The following BTN2A1 variants were observed in gnomAD, a reference collection of about 807,000 sequenced individuals.
BTN2A1 encodes butyrophilin, subfamily 2, member A1.
Under a neutral mutation model 34.5 loss-of-function variants are expected in BTN2A1, and 41 were observed. That is an observed-to-expected ratio of 1.19 (90% CI 0.93 to 1.54). BTN2A1 has a LOEUF of 1.54. Ranked by LOEUF, BTN2A1 falls within the 40% of genes most tolerant of loss-of-function variation. BTN2A1 has a pLI of 0.00. For synonymous variants in BTN2A1, 267 were observed against 258.6 expected (o/e 1.03, Z -0.31); for missense variants, 642 against 662.0 (o/e 0.97, Z 0.33).
chr6:26,459,052 C>T (rs1163730190), intron 2 of BTN2A1, among the ~76,000 whole-genome samples: 2 of 152,052 alleles, frequency 1.3e-5, no homozygotes, highest in East Asian at 3.9e-4. Context: ...ACCATATTAC[C>T]AATGAGATAG....
At position 26,463,416 on chromosome 6, in the gene BTN2A1, C is replaced by G. The variant is rs775554453; in HGVS notation, c.603C>G (p.Phe201Leu). ...CCATGCCTGATGCAGACGGCCTCTTCATGGTCACCACGGCTGTGATCATCA... is the reference window on the plus strand; with the variant it reads ...CCATGCCTGATGCAGACGGCCTCTTGATGGTCACCACGGCTGTGATCATCA... ...EVSMPDADGL[F>L]MVTTAVIIRD... is the part of the protein sequence containing the mutation. The change falls in exon 4 of 8, where the codon TTC becomes TTG. Residue 201 changes from phenylalanine to leucine, a missense_variant. Coordinates refer to ENST00000312541, the MANE Select transcript of BTN2A1 (RefSeq NM_007049.5). 8 of 1,614,068 alleles carry G rather than the reference C, an allele frequency of 5.0e-6. No individual in the cohort carries two copies. Among genetic ancestry groups the G allele is most frequent in the Non-Finnish European group, 6.8e-6 (8 of 1,180,032 alleles).
At chr6:26,473,045 A>G (rs984053861), downstream of BTN2A1, among the ~76,000 whole-genome samples, 4 of 152,238 alleles carry the variant, frequency 2.6e-5, no homozygotes, top group African/African-American at 9.6e-5. Flanking sequence ...GGGACCAATC[A>G]GAGGAAAGTG....
In BTN2A1 at chr6:26,466,032, A is replaced by T. The variant is rs757458442; in HGVS notation, c.956-30A>T. 4 of 1,612,956 alleles carry T rather than the reference A, an allele frequency of 2.5e-6. No homozygotes were observed. In the South Asian group the frequency reaches 4.4e-5, roughly 18 times the overall value. ...TTTGAGTTCTGCTCAGCAACATCTCATGACATTCGTCTCTGTCTGTCCCTT... is the reference window on the plus strand; with the variant it reads ...TTTGAGTTCTGCTCAGCAACATCTCTTGACATTCGTCTCTGTCTGTCCCTT... On this transcript the variant is annotated intron_variant, in intron 6 of 7. Coordinates refer to ENST00000312541, the MANE Select transcript of BTN2A1 (RefSeq NM_007049.5).
At chr6:26,458,783 A>C in intron 2 of BTN2A1, 65 bp downstream of exon 2, 1 of 1,571,100 alleles carries the variant, frequency 6.4e-7, no homozygotes, top group Non-Finnish European at 8.8e-7. Context: ...GTAGTCTGCA[A>C]AGGGAAAGAA....
chr6:26,460,728 T>C (rs996555682), intron 3 of BTN2A1, among the ~76,000 whole-genome samples: 44 of 152,060 alleles, frequency 2.9e-4, no homozygotes, highest in African/African-American at 9.2e-4. Context: ...GCCAGCATGG[T>C]GCAACCCCAT....
intron 4 of BTN2A1, 141 bp downstream of exon 4, chr6:26,463,666 G>A (rs1763234593): frequency 6.0e-6 from 6 of 1,003,336 alleles, no homozygotes; most frequent in Non-Finnish European, 8.8e-6. Context: ...GCTGAGTGAA[G>A]CCTTTCCGCT....
intron 5 of BTN2A1, 82 bp from the exon 6 acceptor site, chr6:26,465,871 A>G: frequency 1.2e-6 from 2 of 1,602,524 alleles, no homozygotes; most frequent in Non-Finnish European, 1.7e-6. Context: ...CATAGAAAGG[A>G]CGGTTCCTGC....
chr6:26,463,748 T>TTTGTTG (rs144703894), intron 4 of BTN2A1, among the ~76,000 whole-genome samples: 68 of 150,936 alleles, frequency 4.5e-4, no homozygotes, highest in Admixed American at 1.1e-3. Context: ...TAAACCTGTT[T>TTTGTTG]TTGTTGTTGT....
At chr6:26,464,469 T>G (rs1178633870) in intron 4 of BTN2A1, among the ~76,000 whole-genome samples, 2 of 152,148 alleles carry the variant, frequency 1.3e-5, no homozygotes, top group Non-Finnish European at 2.9e-5. Context: ...ATTGCAATTC[T>G]TAACAGAATG....
chr6:26,474,434 A>G (rs1056244841), downstream of BTN2A1, among the ~76,000 whole-genome samples: 4 of 152,232 alleles, frequency 2.6e-5, no homozygotes, highest in African/African-American at 9.6e-5. Flanking sequence ...AAACCCTGCT[A>G]AATTTAATTT....
Position 26,466,202 on chromosome 6 carries a change from C to A in BTN2A1, c.982+114C>A, listed in dbSNP as rs780237406. 4 of 1,514,684 alleles carry A rather than the reference C, an allele frequency of 2.6e-6. No individual in the cohort carries two copies. In the African/African-American group the frequency reaches 4.1e-5, roughly 16 times the overall value. 93.8% of individuals were successfully genotyped at this position (1,514,684 alleles called of 1,614,324 possible). A position where few individuals can be genotyped will look rare whatever the true frequency, so the allele number is the denominator to read the frequency against. On this transcript the variant is annotated intron_variant, in intron 7 of 7. Transcript: ENST00000312541. ...AGGGCAAGGTGGGGACAGCAGGGAA[C>A]GGGGGTCAGTTCATCAACAGTGTCC...
chr6:26,459,384 GA>G (rs1763096867), intron 2 of BTN2A1, 96 bp from the exon 3 acceptor site: 2 of 1,387,234 alleles, frequency 1.4e-6, no homozygotes, highest in African/African-American at 2.9e-5. Flanking sequence ...TATGGCCATG[GA>G]AAAAATAAGT....
downstream of BTN2A1, among the ~76,000 whole-genome samples, chr6:26,471,594 A>C (rs2113870394): frequency 6.6e-6 from 1 of 152,262 alleles, no homozygotes; most frequent in Middle Eastern, 3.4e-3. Flanking sequence ...GTTGCAGTGC[A>C]CCACTGCACT....
chr6:26,463,670 T>C, intron 4 of BTN2A1, 145 bp downstream of exon 4: 1 of 974,664 alleles, frequency 1.0e-6, no homozygotes, highest in Non-Finnish European at 1.5e-6. Context: ...AGTGAAGCCT[T>C]TCCGCTTCTC....
At position 26,459,521 on chromosome 6, in the gene BTN2A1, C is replaced by T; in HGVS notation, c.123C>T (p.Ala41=). The change falls in exon 3 of 8, where the codon GCC becomes GCT. Residue 41 remains alanine, a synonymous_variant. Transcript: ENST00000312541. Reference sequence around the variant, plus strand: ...TGGGGCCCACTGATCCCATCTTGGCCACGGTTGGAGAAAACACTACGTTAC... The same window carrying T: ...TGGGGCCCACTGATCCCATCTTGGCTACGGTTGGAGAAAACACTACGTTAC... ...IVVGPTDPIL[A]TVGENTTLRC... 1 of 1,613,904 alleles carries T rather than the reference C, an allele frequency of 6.2e-7. No individual in the cohort carries two copies. The highest frequency in any genetic ancestry group is 8.5e-7 in the Non-Finnish European group (1 of 1,179,882).
At chr6:26,471,525 C>T (rs1407818733), downstream of BTN2A1, among the ~76,000 whole-genome samples, 3 of 152,172 alleles carry the variant, frequency 2.0e-5, no homozygotes, top group Admixed American at 6.5e-5. Flanking sequence ...GTGAGGAGTT[C>T]GTGAACAGCC....
At position 26,465,359 on chromosome 6, in the gene BTN2A1, A is replaced by G. The variant is rs753769800; in HGVS notation, c.887A>G (p.Glu296Gly). The G allele has an allele frequency of 3.7e-6, 6 of 1,614,010 alleles. No individual in the cohort carries two copies. Among genetic ancestry groups the G allele is most frequent in the Non-Finnish European group, 4.2e-6 (5 of 1,180,020 alleles). Residue 296 changes from glutamate to glycine, a missense_variant, in exon 5 of 8, where the codon GAA becomes GGA. Glu to Gly is a moderately conservative substitution (Grantham distance 98). Transcript: ENST00000312541. ...ERETREIALK[E>G]LEKERVQKEE... ...GAAACAAGAGAAATTGCTCTAAAGG[A>G]ACTGGAGAAAGAACGTGTGCAAAAA... is the stretch of plus-strand genomic sequence containing the variant.
At chr6:26,464,630 C>T (rs1763259209) in intron 4 of BTN2A1, among the ~76,000 whole-genome samples, 1 of 152,016 alleles carries the variant, frequency 6.6e-6, no homozygotes, top group South Asian at 2.1e-4. Context: ...TTTCCAGGAC[C>T]CCCAGAAGGT....
At chr6:26,463,611 A>C (rs1763233491) in intron 4 of BTN2A1, 86 bp downstream of exon 4, 3 of 1,473,154 alleles carry the variant, frequency 2.0e-6, no homozygotes, top group Admixed American at 3.7e-5. Flanking sequence ...TGGGGGCAGC[A>C]GTGTGGGTGA....
Sources: gnomAD v4.1 joint callset for allele counts (sites outside exome capture counted in the v4.1 genomes callset) on GRCh38, gnomAD v4.1.1 for gene constraint, MANE v1.5 for transcripts, NCBI Gene and HGNC (gene_info 2026-07-23, HGNC 2026-07-21) for gene names.